TPH2: variants seen among roughly 807,000 people sequenced by gnomAD.
TPH2 encodes tryptophan 5-hydroxylase 2.
A neutral mutation model predicts 59.1 loss-of-function variants in TPH2; 27 were observed. That is an observed-to-expected ratio of 0.46 (90% confidence interval 0.34 to 0.63). The LOEUF is 0.63. Among genes scored for constraint, TPH2 ranks in the 30% least tolerant of loss-of-function variants. The pLI, the probability that TPH2 is intolerant of heterozygous loss-of-function variation, is 0.01. For synonymous variants in TPH2, 220 were observed against 210.5 expected (o/e 1.05, Z -0.39); for missense variants, 523 against 588.3 (o/e 0.89, Z 1.15).
At chr12:71,992,427 C>A (rs1376502808) in intron 7 of TPH2, among the ~76,000 whole-genome samples, 1 of 150,208 alleles carries the variant, frequency 6.7e-6, no homozygotes, top group Non-Finnish European at 1.5e-5. Flanking sequence ...CCCACCCCCA[C>A]CCCCGCCCCT....
rs775508656 is a variant in TPH2, at chr12:71,994,548, G to A, written c.1051G>A (p.Val351Ile). Residue 351 changes from valine to isoleucine, a missense_variant, in exon 8 of 11, where the codon GTT (valine) becomes ATT (isoleucine). Transcript: ENST00000333850. ...GTCTCTGGGAGCATCAGATGAAGATGTTCAGAAACTAGCCACGGTGAGTTC... is the reference window on the plus strand; with the variant it reads ...GTCTCTGGGAGCATCAGATGAAGATATTCAGAAACTAGCCACGGTGAGTTC... ...LASLGASDED[V>I]QKLATCYFFT... 1 of 1,613,924 alleles carries A rather than the reference G, an allele frequency of 6.2e-7. No individual in the cohort carries two copies. Among genetic ancestry groups the A allele is most frequent in the Non-Finnish European group, 8.5e-7 (1 of 1,179,842 alleles).
chr12:71,973,332 C>T (rs1177995059), intron 6 of TPH2, among the ~76,000 whole-genome samples: 1 of 152,116 alleles, frequency 6.6e-6, no homozygotes, highest in Non-Finnish European at 1.5e-5. Context: ...AAGAAGCCAG[C>T]CAAAACCTAT....
At chr12:71,954,223 G>A (rs951022180) in intron 5 of TPH2, among the ~76,000 whole-genome samples, 1 of 152,154 alleles carries the variant, frequency 6.6e-6, no homozygotes, top group Non-Finnish European at 1.5e-5. Flanking sequence ...ACTCAGGCGA[G>A]CTTCTGATTG....
At chr12:71,958,025 C>T (rs567877107) in intron 5 of TPH2, among the ~76,000 whole-genome samples, 66 of 152,314 alleles carry the variant, frequency 4.3e-4, no homozygotes, top group African/African-American at 1.6e-3. Flanking sequence ...AACCACACAA[C>T]GAGCCCTTGA....
At position 71,938,942 on chromosome 12, in the gene TPH2, C is replaced by A. The variant is rs770331110; in HGVS notation, c.-45C>A. On this transcript the variant is annotated 5_prime_UTR_variant, in exon 1 of 11. Coordinates refer to ENST00000333850, the MANE Select transcript of TPH2 (RefSeq NM_173353.4). ...ATCTCCGCCAGCGCTGCTACTGCCCCTCTAGTACCCCCTGCTGCAGAGAAA... is the reference window on the plus strand; with the variant it reads ...ATCTCCGCCAGCGCTGCTACTGCCCATCTAGTACCCCCTGCTGCAGAGAAA... 1 of 1,534,044 alleles carries A rather than the reference C, an allele frequency of 6.5e-7. No homozygotes were observed. Among genetic ancestry groups the A allele is most frequent in the Non-Finnish European group, 9.0e-7 (1 of 1,108,164 alleles).
intron 7 of TPH2, among the ~76,000 whole-genome samples, chr12:71,979,301 G>T (rs1872206821): frequency 6.6e-6 from 1 of 152,136 alleles, no homozygotes; most frequent in Non-Finnish European, 1.5e-5. Context: ...CTGGCTCGAT[G>T]CTCTAGCTTT....
chr12:71,972,038 C>T (rs1418598640), intron 5 of TPH2, among the ~76,000 whole-genome samples: 1 of 152,180 alleles, frequency 6.6e-6, no homozygotes, highest in African/African-American at 2.4e-5. Flanking sequence ...ATCTCCCAGA[C>T]ATTTTGGACA....
intron 8 of TPH2, among the ~76,000 whole-genome samples, chr12:72,014,607 T>C (rs772079945): frequency 2.0e-5 from 3 of 152,034 alleles, no homozygotes; most frequent in Non-Finnish European, 4.4e-5. Context: ...GCCAGGCTGG[T>C]CTCAAACTCC....
intron 4 of TPH2, among the ~76,000 whole-genome samples, chr12:71,947,054 T>A (rs1871214606): frequency 6.6e-6 from 1 of 152,178 alleles, no homozygotes. Context: ...ATCTTGATGC[T>A]CATCTGAAGC....
intron 9 of TPH2, among the ~76,000 whole-genome samples, chr12:72,029,954 G>A (rs1873677022): frequency 6.6e-6 from 1 of 152,156 alleles, no homozygotes; most frequent in South Asian, 2.1e-4. Flanking sequence ...GGAAACCTTA[G>A]CTGTTAGAGA....
At chr12:71,975,752 A>C (rs1368336002) in intron 6 of TPH2, among the ~76,000 whole-genome samples, 1 of 152,172 alleles carries the variant, frequency 6.6e-6, no homozygotes, top group African/African-American at 2.4e-5. Context: ...ATCATCTACT[A>C]TATTTGTTAC....
chr12:71,983,912 T>G (rs1872359406), intron 7 of TPH2, among the ~76,000 whole-genome samples: 1 of 152,044 alleles, frequency 6.6e-6, no homozygotes, highest in East Asian at 1.9e-4. Flanking sequence ...GAGCCCAGTC[T>G]GCAAGGTAGG....
chr12:71,983,382 C>T (rs1872338729), intron 7 of TPH2, among the ~76,000 whole-genome samples: 1 of 151,736 alleles, frequency 6.6e-6, no homozygotes, highest in South Asian at 2.1e-4. Context: ...AAATGATTTC[C>T]TTTAAAAAAA....
intron 5 of TPH2, among the ~76,000 whole-genome samples, chr12:71,971,067 G>T (rs1309618437): frequency 1.3e-5 from 2 of 152,172 alleles, no homozygotes; most frequent in Non-Finnish European, 2.9e-5. Flanking sequence ...GCAGCTAGGG[G>T]ATCTGTTTGA....
At chr12:71,986,402 G>A (rs1163974878) in intron 7 of TPH2, among the ~76,000 whole-genome samples, 1 of 152,124 alleles carries the variant, frequency 6.6e-6, no homozygotes, top group Non-Finnish European at 1.5e-5. Flanking sequence ...GTTTTGTGAA[G>A]TGCCTAAAGC....
At chr12:71,947,269 T>C (rs1215077683) in intron 4 of TPH2, among the ~76,000 whole-genome samples, 1 of 152,124 alleles carries the variant, frequency 6.6e-6, no homozygotes, top group Non-Finnish European at 1.5e-5. Flanking sequence ...TGGCCAGGTT[T>C]GATGTATTAT....
At chr12:71,997,592 C>T (rs1326251653) in intron 8 of TPH2, among the ~76,000 whole-genome samples, 1 of 152,154 alleles carries the variant, frequency 6.6e-6, no homozygotes, top group Non-Finnish European at 1.5e-5. Context: ...ACACTTCCAT[C>T]TAGTAGAGAA....
intron 2 of TPH2, 101 bp downstream of exon 2, chr12:71,941,834 T>A (rs541762186): frequency 1.5e-6 from 2 of 1,334,614 alleles, no homozygotes; most frequent in East Asian, 2.3e-5. Context: ...TTCTGGATAA[T>A]GTGGTGAAAG....
chr12:72,003,642 G>A (rs192929653), intron 8 of TPH2, among the ~76,000 whole-genome samples: 177 of 152,238 alleles, frequency 1.2e-3, no homozygotes, highest in African/African-American at 4.2e-3. Flanking sequence ...AGCCCAGGCT[G>A]TTTTGTTCTA....
Sources: gnomAD v4.1 joint callset for allele counts (sites outside exome capture counted in the v4.1 genomes callset) on GRCh38, gnomAD v4.1.1 for gene constraint, MANE v1.5 for transcripts, NCBI Gene and HGNC (gene_info 2026-07-23, HGNC 2026-07-21) for gene names.